Variants in AP1B1 observed in about 807,000 individuals in gnomAD.
The protein encoded by AP1B1 is AP-1 complex subunit beta-1.
AP1B1 carries 36 observed loss-of-function variants against 104.3 expected under a neutral mutation model. The ratio of observed to expected loss-of-function variants is 0.35; its 90% confidence interval spans 0.26 to 0.46. The LOEUF (loss-of-function observed/expected upper bound fraction) is 0.46. Ranked by LOEUF, AP1B1 falls within the 20% of genes least tolerant of loss-of-function variation. AP1B1 has a pLI of 1.00. For synonymous variants in AP1B1, 504 were observed against 517.5 expected (o/e 0.97, Z 0.35); for missense variants, 901 against 1,247.9 (o/e 0.72, Z 4.19).
At position 29,329,797 on chromosome 22, in the gene AP1B1, C is replaced by T; in HGVS notation, c.2767-77G>A. On this transcript the variant is annotated intron_variant, in intron 21 of 22. Transcript: ENST00000357586. ...GAGACGGAAGTTACCACCACCGAAG[C>T]CACGCCACAGCCCCCCACCGACCAG... 2.5e-6 allele frequency: 4 copies of T among 1,601,120 alleles called. No homozygotes were observed. In the South Asian group the frequency reaches 4.5e-5, roughly 18 times the overall value.
intron 8 of AP1B1, 75 bp downstream of exon 8, chr22:29,351,630 G>C (rs2061876075): frequency 6.4e-7 from 1 of 1,571,996 alleles, no homozygotes; most frequent in African/African-American, 1.4e-5. Flanking sequence ...GGTCACCTGG[G>C]CCAGAGCCTA....
intron 2 of AP1B1, among the ~76,000 whole-genome samples, chr22:29,365,670 C>T (rs1019607983): frequency 1.3e-5 from 2 of 151,856 alleles, no homozygotes; most frequent in African/African-American, 4.8e-5. Flanking sequence ...GCAAGTAATC[C>T]TCCCACCCAA....
At position 29,358,723 on chromosome 22, in the gene AP1B1, T is replaced by C; in HGVS notation, c.525+3A>G. 1 of 1,607,854 alleles carries C rather than the reference T, an allele frequency of 6.2e-7. No individual in the cohort carries two copies. The highest frequency in any genetic ancestry group is 1.3e-5 in the African/African-American group (1 of 74,930). ...GGTAGCACGGTGGGTGGCAGTGGCT[T>C]ACCATGGGGTTAGAGTCGGAGATGA... is the stretch of plus-strand genomic sequence containing the variant. On this transcript the variant is annotated splice_donor_region_variant and intron_variant, in intron 5 of 22. Coordinates refer to ENST00000357586, the MANE Select transcript of AP1B1 (RefSeq NM_001127.4).
chr22:29,362,907 T>C lies in AP1B1; in HGVS notation c.143+94A>G, dbSNP rs1233921284. On this transcript the variant is annotated intron_variant, in intron 3 of 22. Transcript: ENST00000357586. ...CTGTATGAGGGGAGACATGGGTCCC[T>C]AGACACCCTAAAGGAGAGACTGAAG... 4 of 703,304 alleles carry C rather than the reference T, an allele frequency of 5.7e-6. No homozygotes were observed. The Admixed American group carries it at 8.9e-5, about 16-fold the overall frequency. 43.6% of individuals were successfully genotyped at this position (703,304 alleles called of 1,614,324 possible).
At position 29,328,693 on chromosome 22, in the gene AP1B1, G is replaced by A; in HGVS notation, c.*128C>T. 2 of 1,225,674 alleles carry A rather than the reference G, an allele frequency of 1.6e-6. No individual in the cohort carries two copies. The highest frequency in any genetic ancestry group is 2.3e-6 in the Non-Finnish European group (2 of 887,478). The allele number at this position is 1,225,674 out of a possible 1,614,324, so 75.9% of individuals were successfully genotyped here. ...AGGGATCGGGTGGGTTCTGCCATCA[G>A]GACCAGGGAGCCCACTGAGTGGCCT... On this transcript the variant is annotated 3_prime_UTR_variant, in exon 23 of 23. Coordinates refer to ENST00000357586, the MANE Select transcript of AP1B1 (RefSeq NM_001127.4). The surrounding 1 kb of genome is among the most constrained non-coding windows in gnomAD (Gnocchi z 4.1).
intron 17 of AP1B1, 28 bp from the exon 18 acceptor site, chr22:29,331,944 G>A: frequency 6.3e-7 from 1 of 1,590,992 alleles, no homozygotes; most frequent in Admixed American, 1.7e-5. Flanking sequence ...CCACAGGGAT[G>A]GCAGGGGGAG....
In AP1B1 at chr22:29,358,981, A is replaced by G. The variant is rs369302934; in HGVS notation, c.280-10T>C. The G allele has an allele frequency of 7.5e-6, 12 of 1,599,290 alleles. No individual in the cohort carries two copies. The highest frequency in any genetic ancestry group is 2.2e-5 in the East Asian group (1 of 44,484). ...TGGGGTCCTCACAGTCCTGGGGGGA[A>G]CCAGCCATCGGCCAGGGCAGGGGTG... On this transcript the variant is annotated splice_polypyrimidine_tract_variant and intron_variant, in intron 4 of 22. Transcript: ENST00000357586.
intron 7 of AP1B1, 94 bp downstream of exon 7, chr22:29,354,556 T>G: frequency 8.3e-7 from 1 of 1,211,924 alleles, no homozygotes; most frequent in East Asian, 2.4e-5. Flanking sequence ...ACTTCCTGCA[T>G]GGTGACAGGT....
rs764479497 is a variant in AP1B1 at position 29,341,668 on chromosome 22, A to G, written c.1629T>C (p.Ala543=). 5.6e-6 allele frequency: 9 copies of G among 1,614,206 alleles called. No homozygotes were observed. The highest frequency in any genetic ancestry group is 1.7e-5 in the Admixed American group (1 of 60,028). The change falls in exon 13 of 23, where the codon GCT becomes GCC. Residue 543 remains alanine, a synonymous_variant. Coordinates refer to ENST00000357586, the MANE Select transcript of AP1B1 (RefSeq NM_001127.4). ...DPVAAKEVVL[A]EKPLISEETD... is the part of the protein sequence containing the mutation. ...TCTCTTCAGAGATGAGTGGCTTCTC[A>G]GCCAACACCACCTCCTTGGCTGCCA...
intron 3 of AP1B1, among the ~76,000 whole-genome samples, chr22:29,362,695 C>G (rs1473844436): frequency 6.6e-6 from 1 of 152,182 alleles, no homozygotes; most frequent in Admixed American, 6.5e-5. Flanking sequence ...ACTGGGTCCT[C>G]TTCCCCAGCC....
Position 29,341,517 on chromosome 22 carries a change from G to A in AP1B1, c.1780C>T (p.Pro594Ser). 6.2e-7 allele frequency: 1 copy of A among 1,613,048 alleles called. No homozygotes were observed. The highest frequency in any genetic ancestry group is 1.1e-5 in the South Asian group (1 of 91,066). ...GGRGVVHKSL[P>S]PRTASSESAE... ...CTCACTCACGAGGCCGTGCGAGGTG[G>A]CAGGCTCTTGTGCACGACGCCCCGG... Residue 594 changes from proline to serine, a missense_variant, in exon 13 of 23, where the codon CCA becomes TCA. Pro to Ser is a moderately conservative substitution (Grantham distance 74, BLOSUM62 -1). Coordinates refer to ENST00000357586, the MANE Select transcript of AP1B1 (RefSeq NM_001127.4).
At chr22:29,369,836 G>A (rs1602782345) in intron 1 of AP1B1, among the ~76,000 whole-genome samples, 1 of 139,676 alleles carries the variant, frequency 7.2e-6, no homozygotes. Context: ...CATTAAAAAC[G>A]ATTTTTTTTT....
At position 29,331,410 on chromosome 22, in the gene AP1B1, C is replaced by T. The variant is rs761220751; in HGVS notation, c.2524+39G>A. On this transcript the variant is annotated intron_variant, in intron 19 of 22. Coordinates refer to ENST00000357586, the MANE Select transcript of AP1B1 (RefSeq NM_001127.4). Reference sequence around the variant, plus strand: ...CTTGGCCAGGTTCCCAAGCCACAGCCCCATTTCAGGCACCCCAGCGGGCTC... The same window carrying T: ...CTTGGCCAGGTTCCCAAGCCACAGCTCCATTTCAGGCACCCCAGCGGGCTC... 3 of 1,603,102 alleles carry T rather than the reference C, an allele frequency of 1.9e-6. No homozygotes were observed. The Admixed American group carries it at 5.0e-5, about 27-fold the overall frequency.
At chr22:29,380,609 C>T (rs2062421026) in intron 1 of AP1B1, among the ~76,000 whole-genome samples, 1 of 152,154 alleles carries the variant, frequency 6.6e-6, no homozygotes, top group South Asian at 2.1e-4. Context: ...ACCTGAGTCA[C>T]TCTTAACAAC....
Position 29,340,707 on chromosome 22 carries a change from G to A in AP1B1, c.1947C>T (p.Ser649=), listed in dbSNP as rs1234258136. The A allele has an allele frequency of 1.3e-6, 2 of 1,588,382 alleles. No individual in the cohort carries two copies. The highest frequency in any genetic ancestry group is 4.5e-5 in the East Asian group (2 of 43,984). The stretch of plus-strand genomic sequence containing the variant: ...GGTCCACAGCTCCCATCTGCACCGA[G>A]GAGGTGGCCAGGGGTGGGCCGCTCA... ...PPVSGPPLAT[S]SVQMGAVDLL... Residue 649 remains serine (S), a synonymous_variant, in exon 14 of 23, where the codon TCC becomes TCT. Transcript: ENST00000357586.
intron 11 of AP1B1, among the ~76,000 whole-genome samples, chr22:29,343,402 G>A (rs2061742767): frequency 6.6e-6 from 1 of 152,256 alleles, no homozygotes; most frequent in Admixed American, 6.5e-5. Flanking sequence ...GACAGAGGCA[G>A]GCAGAATGGA....
At chr22:29,360,001 A>G (rs1434466503) in intron 3 of AP1B1, 42 bp from the exon 4 acceptor site, 1 of 1,589,608 alleles carries the variant, frequency 6.3e-7, no homozygotes, top group East Asian at 2.3e-5. Flanking sequence ...AGGCTGAACA[A>G]AGGAAGAGGA....
At chr22:29,356,931 GC>G (rs2061967530) in intron 5 of AP1B1, among the ~76,000 whole-genome samples, 1 of 152,212 alleles carries the variant, frequency 6.6e-6, no homozygotes, top group African/African-American at 2.4e-5. Flanking sequence ...TCACTTCAAT[GC>G]TTGTCAGCTG....
intron 11 of AP1B1, among the ~76,000 whole-genome samples, chr22:29,344,514 ATTTTTTTTTTTTTT>A (rs35466454): frequency 1.1e-5 from 1 of 93,808 alleles, no homozygotes; most frequent in Non-Finnish European, 2.0e-5. Context: ...CCTGGCCAAG[ATTTTTTTTTTTTTT>A]TTTTTTTTTT....
Sources: gnomAD v4.1 joint callset for allele counts (sites outside exome capture counted in the v4.1 genomes callset) on GRCh38, gnomAD v4.1.1 for gene constraint, Gnocchi (gnomAD v3.1) non-coding constraint, MANE v1.5 for transcripts, NCBI Gene and HGNC (gene_info 2026-07-23, HGNC 2026-07-21) for gene names.